TPP2: variants seen among roughly 807,000 people sequenced by gnomAD.
TPP2 encodes tripeptidyl peptidase 2.
TPP2 carries 34 observed loss-of-function variants against 155.9 expected under a neutral mutation model. The ratio of observed to expected loss-of-function variants is 0.22; its 90% CI spans 0.17 to 0.29. The LOEUF is 0.29. Among genes scored for constraint, TPP2 ranks in the 10% least tolerant of loss-of-function variants. The pLI is 1.00. For missense variants in TPP2, 1,028 were observed against 1,522.3 expected, an observed-to-expected ratio of 0.68 and a Z score of 5.40; for synonymous variants, 510 against 529.4, an observed-to-expected ratio of 0.96 and a Z score of 0.50.
At chr13:102,626,854 C>A in intron 6 of TPP2, 158 bp from the exon 7 acceptor site, 1 of 545,758 alleles carries the variant, frequency 1.8e-6, no homozygotes, top group Non-Finnish European at 2.9e-6. Flanking sequence ...ATACATGTTG[C>A]AAATACTTTC....
At chr13:102,659,588 C>T (rs1223452803) in intron 25 of TPP2, among the ~76,000 whole-genome samples, 1 of 152,104 alleles carries the variant, frequency 6.6e-6, no homozygotes, top group African/African-American at 2.4e-5. Context: ...AAAATCTCAA[C>T]CAATAATCCT....
rs556619994 is a variant in TPP2, at chr13:102,657,086, C to T, written c.3022C>T (p.Pro1008Ser). The change falls in exon 25 of 30, where the codon CCT (proline) becomes TCT (serine). Residue 1008 changes from proline (P) to serine (S), a missense_variant. Coordinates refer to ENST00000376052, the MANE Select transcript of TPP2 (RefSeq NM_001330588.2). ...AATCCCTGTTCATTACTACTTAATA[C>T]CTCCACCAACAAAGACTAAGAATGG... The part of the protein sequence containing the change: ...DVIPVHYYLI[P>S]PPTKTKNGSK... 15 of 1,590,396 alleles carry T rather than the reference C, an allele frequency of 9.4e-6. No individual in the cohort carries two copies. Among genetic ancestry groups the T allele is most frequent in the South Asian group, 9.3e-5 (8 of 85,930 alleles).
At chr13:102,647,366 T>C in intron 21 of TPP2, 22 bp downstream of exon 21, 1 of 1,603,370 alleles carries the variant, frequency 6.2e-7, no homozygotes, top group Non-Finnish European at 8.5e-7. Context: ...ATGGTGATTT[T>C]TAGAATTAAC....
At chr13:102,623,654 A>G (rs1424440055) in intron 6 of TPP2, among the ~76,000 whole-genome samples, 3 of 152,236 alleles carry the variant, frequency 2.0e-5, no homozygotes, top group Non-Finnish European at 4.4e-5. Context: ...AGTACAGAGA[A>G]TCAGATAAAA....
chr13:102,614,486 T>C (rs1448475855), intron 3 of TPP2, among the ~76,000 whole-genome samples: 2 of 152,216 alleles, frequency 1.3e-5, no homozygotes, highest in South Asian at 4.1e-4. Flanking sequence ...GATATAGCTT[T>C]CACTGGATTT....
intron 29 of TPP2, 80 bp from the exon 30 acceptor site, chr13:102,678,147 A>T: frequency 1.5e-6 from 2 of 1,359,174 alleles, no homozygotes; most frequent in Non-Finnish European, 2.0e-6. Context: ...GTTACTATTT[A>T]ATACAGAATT....
At chr13:102,610,450 G>A (rs952793526) in intron 2 of TPP2, among the ~76,000 whole-genome samples, 2 of 152,036 alleles carry the variant, frequency 1.3e-5, no homozygotes, top group African/African-American at 2.4e-5. Flanking sequence ...GGCAGGTCTC[G>A]AACTCCTGAC....
At chr13:102,671,313 G>C (rs184096213) in intron 27 of TPP2, among the ~76,000 whole-genome samples, 100 of 152,260 alleles carry the variant, frequency 6.6e-4, no homozygotes, top group African/African-American at 2.1e-3. Flanking sequence ...CAGACTTTTT[G>C]GGAATGAGGA....
At chr13:102,673,217 C>G (rs573552235) in intron 27 of TPP2, among the ~76,000 whole-genome samples, 13 of 152,240 alleles carry the variant, frequency 8.5e-5, no homozygotes, top group African/African-American at 2.9e-4. Context: ...TGGGTGAGCC[C>G]TTGAGCCTTC....
chr13:102,677,214 A>C (rs1431547052), intron 29 of TPP2, among the ~76,000 whole-genome samples: 1 of 152,208 alleles, frequency 6.6e-6, no homozygotes, highest in Non-Finnish European at 1.5e-5. Context: ...ATCTTTGACT[A>C]GATTAAGAGA....
intron 2 of TPP2, among the ~76,000 whole-genome samples, chr13:102,610,435 G>A (rs939834903): frequency 2.0e-5 from 3 of 152,062 alleles, no homozygotes; most frequent in African/African-American, 7.3e-5. Context: ...TCACCATGCT[G>A]GCTAGGCAGG....
chr13:102,638,173 A>C, intron 14 of TPP2, 66 bp from the exon 15 acceptor site: 60 of 1,394,378 alleles, frequency 4.3e-5, no homozygotes, highest in Non-Finnish European at 5.8e-5. Context: ...TCAGTAGTTT[A>C]GACCTTCCCC....
At chr13:102,638,847 A>G (rs1299305620) in intron 15 of TPP2, among the ~76,000 whole-genome samples, 1 of 152,210 alleles carries the variant, frequency 6.6e-6, no homozygotes, top group Non-Finnish European at 1.5e-5. Context: ...TGGCACCTCC[A>G]AAGGTCAAGT....
intron 2 of TPP2, among the ~76,000 whole-genome samples, chr13:102,613,480 C>T (rs149268461): frequency 7.6e-4 from 116 of 152,320 alleles, no homozygotes; most frequent in African/African-American, 2.7e-3. Flanking sequence ...TTGGTTGATG[C>T]TCAGTTCACT....
intron 27 of TPP2, among the ~76,000 whole-genome samples, chr13:102,672,413 A>G (rs1420247574): frequency 6.6e-6 from 1 of 152,148 alleles, no homozygotes; most frequent in African/African-American, 2.4e-5. Flanking sequence ...TTTACATTCC[A>G]TTGTTATCTG....
intron 10 of TPP2, among the ~76,000 whole-genome samples, chr13:102,632,107 A>G: frequency 6.6e-6 from 1 of 152,228 alleles, no homozygotes; most frequent in South Asian, 2.1e-4. Flanking sequence ...TATAAAATTT[A>G]GCTGGGCATG....
rs1884400221 is a variant in TPP2 at position 102,663,649 on chromosome 13, C to G, written c.3145C>G (p.Leu1049Val). The G allele has an allele frequency of 1.3e-6, 2 of 1,593,774 alleles. No homozygotes were observed. The highest frequency in any genetic ancestry group is 1.7e-6 in the Non-Finnish European group (2 of 1,172,102). ...RDLKIQWMTKLDSSDIYNELK... is the reference protein window; with the variant it reads ...RDLKIQWMTKVDSSDIYNELK... ...TTTCTCTCCTTCTTACATACATAGGCTGGATTCTAGTGACATTTATAACGA... is the reference window on the plus strand; with the variant it reads ...TTTCTCTCCTTCTTACATACATAGGGTGGATTCTAGTGACATTTATAACGA... The change falls in exon 26 of 30, where the codon CTG becomes GTG. Residue 1049 changes from leucine (L) to valine (V), a missense_variant and splice_region_variant. By Grantham distance (32) the Leu-to-Val change is conservative (BLOSUM62 1). This residue lies in a region of TPP2 where 179 missense variants were observed against 274.7 expected (regional missense o/e 0.65). Transcript: ENST00000376052.
At position 102,664,767 on chromosome 13, in the gene TPP2, T is replaced by G. The variant is rs190963155; in HGVS notation, c.3241-28T>G. 222 of 1,604,764 alleles carry G rather than the reference T, an allele frequency of 1.4e-4. No homozygotes were observed. In the African/African-American group the frequency reaches 2.8e-3, roughly 21 times the overall value. On this transcript the variant is annotated intron_variant, in intron 26 of 29. Coordinates refer to ENST00000376052, the MANE Select transcript of TPP2 (RefSeq NM_001330588.2). ...TTCGTATACTGATTGATATACCTAT[T>G]TTTTATTATTTCTTTTTTCCTCTCC...
At position 102,647,359 on chromosome 13, in the gene TPP2, G is replaced by A. The variant is rs1360543749; in HGVS notation, c.2628+15G>A. 6.2e-6 allele frequency: 10 copies of A among 1,603,650 alleles called. No homozygotes were observed. Among genetic ancestry groups the A allele is most frequent in the Non-Finnish European group, 8.5e-6 (10 of 1,175,536 alleles). On this transcript the variant is annotated intron_variant, in intron 21 of 29. Coordinates refer to ENST00000376052, the MANE Select transcript of TPP2 (RefSeq NM_001330588.2). ...ATCCACATCAGGTATAAAATTGATG[G>A]TGATTTTTAGAATTAACGGAAGCTG...
Sources: allele counts gnomAD v4.1 joint callset (sites outside exome capture counted in the v4.1 genomes callset), GRCh38; gene constraint gnomAD v4.1.1; regional missense constraint gnomAD v4.1.1; transcripts MANE v1.5; gene names NCBI Gene and HGNC (gene_info 2026-07-23, HGNC 2026-07-21).